CAPS2: variants seen among roughly 807,000 people sequenced by gnomAD.
The protein encoded by CAPS2 is calcyphosine 2.
A neutral mutation model predicts 86.5 loss-of-function variants in CAPS2; 98 were observed. The ratio of observed to expected loss-of-function variants is 1.13; its 90% CI spans 0.96 to 1.34. CAPS2 has a LOEUF of 1.34. CAPS2 is among the 40% of genes most tolerant of loss of function. The probability of loss-of-function intolerance (pLI) is 0.00; values close to 1 mark genes in which losing one functional copy is unlikely to be tolerated. For synonymous variants in CAPS2, 210 were observed against 225.1 expected (o/e 0.93, Z 0.60); for missense variants, 729 against 686.8 (o/e 1.06, Z -0.69).
At chr12:75,341,781 T>G (rs1593677576) in intron 1 of CAPS2, among the ~76,000 whole-genome samples, 2 of 102,062 alleles carry the variant, frequency 2.0e-5, no homozygotes, top group African/African-American at 8.2e-5. Context: ...TGAGATGGAG[T>G]CTCTGTCACC....
chr12:75,305,720 G>C (rs2138669934), intron 7 of CAPS2: 1 of 680,220 alleles, frequency 1.5e-6, no homozygotes, highest in South Asian at 1.4e-5. Flanking sequence ...CGACGAGCTC[G>C]TGTGGTACAT....
chr12:75,340,708 GAA>G (rs1217298126), intron 1 of CAPS2, among the ~76,000 whole-genome samples: 1 of 146,916 alleles, frequency 6.8e-6, no homozygotes, highest in Non-Finnish European at 1.5e-5. Context: ...CCTATCTAGA[GAA>G]AGAAGTCTCA....
chr12:75,339,765 T>A (rs1005227945), intron 1 of CAPS2, among the ~76,000 whole-genome samples: 1 of 152,142 alleles, frequency 6.6e-6, no homozygotes, highest in African/African-American at 2.4e-5. Context: ...AATTTTTGGA[T>A]AAGGTGTAAG....
chr12:75,356,569 G>A (rs1325729575), intron 1 of CAPS2, among the ~76,000 whole-genome samples: 1 of 151,944 alleles, frequency 6.6e-6, no homozygotes, highest in Non-Finnish European at 1.5e-5. Flanking sequence ...AGCCAACAAA[G>A]CAGGTAAAAT....
chr12:75,382,135 CGAGT>C (rs771832105), intron 1 of CAPS2, among the ~76,000 whole-genome samples: 25 of 151,602 alleles, frequency 1.6e-4, no homozygotes, highest in Non-Finnish European at 2.6e-4. Context: ...AAAGATCAAT[CGAGT>C]ATGTAAAGAA....
At chr12:75,282,398 T>C in intron 15 of CAPS2, 51 bp from the exon 16 acceptor site, 1 of 1,228,372 alleles carries the variant, frequency 8.1e-7, no homozygotes, top group East Asian at 2.3e-5. Flanking sequence ...TTGTTTTGCT[T>C]TGCTTTGAGA....
At chr12:75,282,203 T>C (rs776451194) in intron 16 of CAPS2, 48 bp downstream of exon 16, 1 of 981,020 alleles carries the variant, frequency 1.0e-6, no homozygotes, top group Non-Finnish European at 1.7e-6. Flanking sequence ...ATTATCTTTA[T>C]TAAGTAACAT....
chr12:75,284,820 G>T, intron 15 of CAPS2, 141 bp downstream of exon 15: 1 of 655,616 alleles, frequency 1.5e-6, no homozygotes, highest in Non-Finnish European at 2.4e-6. Context: ...TATGCATATG[G>T]ACCTGTTTTC....
At chr12:75,307,373 G>C (rs752934199) in intron 7 of CAPS2, among the ~76,000 whole-genome samples, 12 of 152,164 alleles carry the variant, frequency 7.9e-5, no homozygotes, top group Non-Finnish European at 1.3e-4. Context: ...TAAATATAGA[G>C]GCATGATAAC....
rs534716963 is a variant in CAPS2 at position 75,341,151 on chromosome 12, C to T, written c.-394-17929G>A. On this transcript the variant is annotated intron_variant, in intron 1 of 5. Coordinates refer to the CAPS2 transcript ENST00000551829. ...AAGGAAAACATTGCTACATAAAAAC[C>T]TGCTCACAAATATTTATGGATACTC... 1.6e-4 allele frequency among the ~76,000 whole-genome samples: 24 copies of T among 152,160 alleles called. No homozygotes were observed. The South Asian group carries it at 5.0e-3, about 32-fold the overall frequency.
chr12:75,293,507 T>C, intron 11 of CAPS2, 140 bp from the exon 12 acceptor site: 1 of 641,004 alleles, frequency 1.6e-6, no homozygotes, highest in Non-Finnish European at 2.7e-6. Context: ...GGAGAATGCT[T>C]ATATGTATTT....
At chr12:75,371,294 A>G (rs2044342464) in intron 1 of CAPS2, 1 of 159,630 alleles carries the variant, frequency 6.3e-6, no homozygotes, top group South Asian at 1.4e-4. Flanking sequence ...GGAAGCATCC[A>G]GCACACGAGA....
chr12:75,328,914 C>G (rs1412374083), upstream of CAPS2, among the ~76,000 whole-genome samples: 3 of 152,214 alleles, frequency 2.0e-5, no homozygotes, highest in Non-Finnish European at 4.4e-5. Flanking sequence ...TGCCGTCATA[C>G]ATGGAACACT....
intron 1 of CAPS2, among the ~76,000 whole-genome samples, chr12:75,362,312 C>T (rs1299387162): frequency 1.3e-5 from 2 of 151,986 alleles, no homozygotes; most frequent in Admixed American, 6.6e-5. Context: ...CAATAAATAC[C>T]ACTACACCAT....
At chr12:75,295,277 G>A (rs2036690371) in intron 11 of CAPS2, 1 of 152,100 alleles carries the variant, frequency 6.6e-6, no homozygotes, top group African/African-American at 2.4e-5. Flanking sequence ...TTAAAGCTTT[G>A]TGTTTTTTCC....
At chr12:75,386,064 G>T (rs1286642778) in intron 1 of CAPS2, among the ~76,000 whole-genome samples, 1 of 152,140 alleles carries the variant, frequency 6.6e-6, no homozygotes, top group Non-Finnish European at 1.5e-5. Context: ...CAAGGAATTT[G>T]TTAGGATATC....
At chr12:75,282,439 T>G (rs933606498) in intron 15 of CAPS2, 92 bp from the exon 16 acceptor site, 1 of 802,050 alleles carries the variant, frequency 1.2e-6, no homozygotes, top group Non-Finnish European at 2.2e-6. Flanking sequence ...CAGACTGGAG[T>G]GCAATGGCGT....
chr12:75,317,208 G>C (rs570290871), intron 5 of CAPS2, among the ~76,000 whole-genome samples: 1 of 152,156 alleles, frequency 6.6e-6, no homozygotes, highest in African/African-American at 2.4e-5. Context: ...CATTTTTATT[G>C]CTGTATCGCT....
intron 8 of CAPS2, among the ~76,000 whole-genome samples, chr12:75,300,507 G>A (rs998187789): frequency 3.1e-5 from 4 of 130,210 alleles, no homozygotes; most frequent in Non-Finnish European, 4.6e-5. Flanking sequence ...AGTGAGCCGA[G>A]ATCGCGCCAC....
Sources: allele counts gnomAD v4.1 joint callset (sites outside exome capture counted in the v4.1 genomes callset), GRCh38; gene constraint gnomAD v4.1.1; transcripts MANE v1.5; gene names NCBI Gene and HGNC (gene_info 2026-07-23, HGNC 2026-07-21).